CSMD1: variants seen among roughly 807,000 people sequenced by gnomAD.
The protein encoded by CSMD1 is CUB and sushi domain-containing protein 1.
Under a neutral mutation model 417.5 loss-of-function variants are expected in CSMD1, and 213 were observed. The ratio of observed to expected loss-of-function variants is 0.51; its 90% CI spans 0.46 to 0.57. CSMD1 has a LOEUF of 0.57. Among genes scored for constraint, CSMD1 ranks in the 20% least tolerant of loss-of-function variants. The pLI, the probability that CSMD1 is intolerant of heterozygous loss-of-function variation, is 0.00. For missense variants in CSMD1, 6,923 were observed against 4,529.7 expected (o/e 1.53, Z -15.17); for synonymous variants, 2,862 against 1,736.8 (o/e 1.65, Z -16.11).
intron 3 of CSMD1, among the ~76,000 whole-genome samples, chr8:4,298,345 G>A (rs74543826): frequency 0.021 from 3,250 of 152,164 alleles, 61 homozygotes; most frequent in Non-Finnish European, 0.036. Context: ...AACGCTCCAT[G>A]ACATCAGTTT....
At chr8:4,683,304 A>C (rs1806161024) in intron 1 of CSMD1, among the ~76,000 whole-genome samples, 1 of 152,158 alleles carries the variant, frequency 6.6e-6, no homozygotes, top group Non-Finnish European at 1.5e-5. Context: ...AATCCAAAGT[A>C]CATTTAATAG....
At chr8:4,246,765 A>G (rs1324780811) in intron 3 of CSMD1, among the ~76,000 whole-genome samples, 3 of 152,208 alleles carry the variant, frequency 2.0e-5, no homozygotes, top group African/African-American at 7.2e-5. Flanking sequence ...CAGGATCAAG[A>G]AGATTTTTTA....
chr8:4,221,771 G>C (rs1201974959), intron 3 of CSMD1, among the ~76,000 whole-genome samples: 1 of 152,122 alleles, frequency 6.6e-6, no homozygotes, highest in Non-Finnish European at 1.5e-5. Context: ...GAGATTAAAA[G>C]AAAATATACA....
chr8:3,952,681 T>G (rs950128497), intron 5 of CSMD1, among the ~76,000 whole-genome samples: 1 of 152,250 alleles, frequency 6.6e-6, no homozygotes, highest in Admixed American at 6.5e-5. Context: ...AGAGATATTA[T>G]TGTTGCACAG....
intron 37 of CSMD1, 106 bp from the exon 38 acceptor site, chr8:3,162,383 C>G: frequency 1.4e-6 from 1 of 724,016 alleles, no homozygotes; most frequent in Non-Finnish European, 2.4e-6. Context: ...TAGAAATGAA[C>G]AAAGACTTCA....
intron 3 of CSMD1, among the ~76,000 whole-genome samples, chr8:4,310,560 T>C (rs1563432028): frequency 6.6e-6 from 1 of 152,222 alleles, no homozygotes; most frequent in Admixed American, 6.5e-5. Flanking sequence ...AATACTTGTA[T>C]GACATTTACA....
At chr8:4,748,542 T>A (rs1488276096) in intron 1 of CSMD1, among the ~76,000 whole-genome samples, 2 of 152,178 alleles carry the variant, frequency 1.3e-5, no homozygotes, top group Non-Finnish European at 2.9e-5. Context: ...ACGGTATTTA[T>A]CAAAGAACAG....
intron 7 of CSMD1, among the ~76,000 whole-genome samples, chr8:3,655,655 T>C (rs13279375): frequency 3.4e-5 from 5 of 146,088 alleles, no homozygotes; most frequent in South Asian, 2.2e-4. Flanking sequence ...TCAATGGAGG[T>C]TGCGTTTTTT....
chr8:4,729,681 T>C (rs538664908), intron 1 of CSMD1, among the ~76,000 whole-genome samples: 1 of 152,334 alleles, frequency 6.6e-6, no homozygotes, highest in African/African-American at 2.4e-5. Context: ...AGACTAGCTG[T>C]TGTTTGAAAG....
chr8:3,958,716 G>C lies in CSMD1; in HGVS notation c.818+39187C>G, dbSNP rs527715589. On this transcript the variant is annotated intron_variant, in intron 5 of 69. Transcript: ENST00000635120. ...GGACATAACTGAGGGTCAAACATGAGGCTTTTGTGGTTTAAATACTATGGG... is the reference window on the plus strand; with the variant it reads ...GGACATAACTGAGGGTCAAACATGACGCTTTTGTGGTTTAAATACTATGGG... Among the ~76,000 whole-genome samples, 20 of 152,228 alleles carry C rather than the reference G, an allele frequency of 1.3e-4. No individual in the cohort carries two copies. The East Asian group carries it at 1.7e-3, about 13-fold the overall frequency.
chr8:3,770,845 G>A (rs1242049774), intron 5 of CSMD1, among the ~76,000 whole-genome samples: 1 of 152,098 alleles, frequency 6.6e-6, no homozygotes, highest in African/African-American at 2.4e-5. Flanking sequence ...GATAAAGGAG[G>A]AAAAACAAAT....
rs184931420 is a variant in CSMD1, at chr8:4,083,244, G to A, written c.416-51145C>T. On this transcript the variant is annotated intron_variant, in intron 3 of 69. Transcript: ENST00000635120. ...ACAGGCCCACCAACAGTGTAAAAGT[G>A]TTCTTATTTCTCCACAACCTCTCCA... is the stretch of plus-strand genomic sequence containing the variant. Among the ~76,000 whole-genome samples, 22 of 152,242 alleles carry A rather than the reference G, an allele frequency of 1.4e-4. No homozygotes were observed. In the South Asian group the frequency reaches 3.1e-3, roughly 22 times the overall value.
At chr8:4,263,291 T>C (rs930810828) in intron 3 of CSMD1, among the ~76,000 whole-genome samples, 2 of 152,126 alleles carry the variant, frequency 1.3e-5, no homozygotes, top group South Asian at 2.1e-4. Flanking sequence ...AAATGTACGG[T>C]ACAGATTTAC....
intron 3 of CSMD1, among the ~76,000 whole-genome samples, chr8:4,122,816 C>T (rs933527670): frequency 5.9e-5 from 9 of 152,150 alleles, no homozygotes; most frequent in Non-Finnish European, 1.2e-4. Context: ...GATTTAATCT[C>T]CCCCTCCCTC....
intron 4 of CSMD1, among the ~76,000 whole-genome samples, chr8:4,025,164 G>A (rs988386890): frequency 6.6e-6 from 1 of 152,244 alleles, no homozygotes; most frequent in East Asian, 1.9e-4. Flanking sequence ...GTGAGCTCCT[G>A]TGAAGAAATG....
chr8:3,467,044 G>C (rs559749744), intron 12 of CSMD1, among the ~76,000 whole-genome samples: 2 of 152,110 alleles, frequency 1.3e-5, no homozygotes, highest in African/African-American at 4.8e-5. Context: ...ACGTTTTTAT[G>C]ACATCTCATG....
At chr8:4,488,228 G>C (rs1801514123) in intron 2 of CSMD1, among the ~76,000 whole-genome samples, 1 of 152,144 alleles carries the variant, frequency 6.6e-6, no homozygotes, top group Non-Finnish European at 1.5e-5. Flanking sequence ...ATGGTATTTT[G>C]TTACAGCAGC....
At chr8:3,311,783 T>A (rs1239760031) in intron 23 of CSMD1, among the ~76,000 whole-genome samples, 1 of 152,158 alleles carries the variant, frequency 6.6e-6, no homozygotes, top group Non-Finnish European at 1.5e-5. Context: ...GAAGCGTTTA[T>A]CAATCATAAG....
chr8:4,646,829 T>C (rs1266939119), intron 1 of CSMD1, among the ~76,000 whole-genome samples: 3 of 152,174 alleles, frequency 2.0e-5, no homozygotes, highest in Non-Finnish European at 4.4e-5. Context: ...TAAAGAAGAA[T>C]ATAATGAGGG....
Sources: allele counts gnomAD v4.1 joint callset (sites outside exome capture counted in the v4.1 genomes callset), GRCh38; gene constraint gnomAD v4.1.1; transcripts MANE v1.5; gene names NCBI Gene and HGNC (gene_info 2026-07-23, HGNC 2026-07-21).